Variants in SGCZ observed in about 807,000 individuals in gnomAD.
The protein encoded by SGCZ is zeta-sarcoglycan.
In SGCZ, 40 loss-of-function variants were observed where a neutral mutation model predicts 41.3. The ratio of observed to expected loss-of-function variants is 0.97; its 90% CI spans 0.75 to 1.26. The LOEUF (loss-of-function observed/expected upper bound fraction) is 1.26, where lower values mean the gene tolerates loss of function less well. Among genes scored for constraint, SGCZ ranks in the 50% most tolerant of loss-of-function variants. SGCZ has a pLI of 0.00. For synonymous variants in SGCZ, 206 were observed against 137.5 expected (o/e 1.50, Z -3.49); for missense variants, 552 against 369.8 (o/e 1.49, Z -4.04).
At chr8:15,015,726 CGTGTGTGTGTGT>C (rs60624490) in intron 1 of SGCZ, among the ~76,000 whole-genome samples, 2,968 of 125,158 alleles carry the variant, frequency 0.024, 54 homozygotes, top group South Asian at 0.094. Context: ...GAAATATACA[CGTGTGTGTGTGT>C]GTGTGTGTGT....
Position 15,182,834 on chromosome 8 carries a change from G to A in SGCZ, c.39+54751C>T, listed in dbSNP as rs190707391. 1.0e-3 allele frequency among the ~76,000 whole-genome samples: 152 copies of A among 151,908 alleles called. 1 individual carries two copies. The highest frequency in any genetic ancestry group is 6.8e-4 in the Non-Finnish European group (46 of 67,922). Reference sequence around the variant, plus strand: ...AAGGTTATAATTTTTTAAACTTTTCGGCTGTTGTAATAACAGCTTAAAACA... The same window carrying A: ...AAGGTTATAATTTTTTAAACTTTTCAGCTGTTGTAATAACAGCTTAAAACA... On this transcript the variant is annotated intron_variant, in intron 1 of 7. Transcript: ENST00000382080.
intron 1 of SGCZ, among the ~76,000 whole-genome samples, chr8:14,640,652 GT>G (rs1806992927): frequency 3.4e-5 from 1 of 29,820 alleles, no homozygotes; most frequent in South Asian, 5.6e-4. Flanking sequence ...ATATAGGGGT[GT>G]GTGTGTGTGT....
intron 1 of SGCZ, among the ~76,000 whole-genome samples, chr8:15,213,472 T>C (rs575080524): frequency 1.3e-5 from 2 of 151,692 alleles, no homozygotes; most frequent in African/African-American, 4.8e-5. Context: ...AAAATGATTT[T>C]TCTAGTATAG....
chr8:14,797,259 T>A (rs960721941), intron 1 of SGCZ, among the ~76,000 whole-genome samples: 12 of 152,150 alleles, frequency 7.9e-5, no homozygotes, highest in Admixed American at 7.2e-4. Context: ...TTTAGAAAAG[T>A]TTGGAACTTC....
chr8:14,410,047 A>T (rs992666409), intron 2 of SGCZ, among the ~76,000 whole-genome samples: 12 of 152,108 alleles, frequency 7.9e-5, no homozygotes, highest in African/African-American at 2.7e-4. Flanking sequence ...ACCAGCCAGC[A>T]TTACCGTCTG....
intron 1 of SGCZ, among the ~76,000 whole-genome samples, chr8:15,117,222 G>C (rs960910439): frequency 6.6e-6 from 1 of 152,044 alleles, no homozygotes; most frequent in African/African-American, 2.4e-5. Context: ...AGCTGGGCGC[G>C]GTAGCAGGCG....
chr8:14,578,076 C>T (rs1178580931), intron 1 of SGCZ, among the ~76,000 whole-genome samples: 6 of 152,208 alleles, frequency 3.9e-5, no homozygotes, highest in Non-Finnish European at 2.9e-5. Flanking sequence ...CATCATACTC[C>T]ACCTTGAACA....
chr8:14,344,121 G>C (rs1423939954), intron 2 of SGCZ, among the ~76,000 whole-genome samples: 1 of 152,208 alleles, frequency 6.6e-6, no homozygotes, highest in Non-Finnish European at 1.5e-5. Context: ...AACTGCTAAA[G>C]ACAGAACCAT....
chr8:14,492,011 C>T (rs764233312), intron 2 of SGCZ, among the ~76,000 whole-genome samples: 34 of 152,004 alleles, frequency 2.2e-4, no homozygotes, highest in African/African-American at 7.3e-4. Context: ...TATGTCTCAT[C>T]ATTAATGTTT....
chr8:14,154,130 G>C (rs187200553), intron 5 of SGCZ, among the ~76,000 whole-genome samples: 1 of 152,190 alleles, frequency 6.6e-6, no homozygotes, highest in African/African-American at 2.4e-5. Flanking sequence ...CAGCATTATG[G>C]GAGGCCGAGG....
intron 2 of SGCZ, among the ~76,000 whole-genome samples, chr8:14,424,966 A>C (rs538818292): frequency 6.6e-6 from 1 of 152,342 alleles, no homozygotes; most frequent in African/African-American, 2.4e-5. Flanking sequence ...TTATCAGGGT[A>C]ATTGAGAAAA....
At chr8:14,342,274 T>C (rs1192462436) in intron 2 of SGCZ, among the ~76,000 whole-genome samples, 1 of 152,182 alleles carries the variant, frequency 6.6e-6, no homozygotes, top group Non-Finnish European at 1.5e-5. Context: ...TTGTGGAACT[T>C]TGAATTTTGG....
intron 1 of SGCZ, among the ~76,000 whole-genome samples, chr8:15,080,760 T>A (rs1213192916): frequency 1.3e-5 from 2 of 152,050 alleles, no homozygotes; most frequent in Admixed American, 6.5e-5. Context: ...TCAGCTAATT[T>A]TTTTTGTATT....
intron 2 of SGCZ, among the ~76,000 whole-genome samples, chr8:14,394,141 A>AAC (rs2117225362): frequency 8.9e-6 from 1 of 112,900 alleles, no homozygotes; most frequent in African/African-American, 3.5e-5. Flanking sequence ...ACCGCCCCCC[A>AAC]CCTTTTTTTT....
At chr8:14,311,538 A>G (rs1218131927) in intron 3 of SGCZ, among the ~76,000 whole-genome samples, 2 of 152,168 alleles carry the variant, frequency 1.3e-5, no homozygotes, top group African/African-American at 2.4e-5. Flanking sequence ...CATAATCTCC[A>G]TAACTATTGA....
intron 3 of SGCZ, among the ~76,000 whole-genome samples, chr8:14,272,993 G>C (rs1248485009): frequency 6.6e-6 from 1 of 151,684 alleles, no homozygotes; most frequent in Non-Finnish European, 1.5e-5. Flanking sequence ...AATAAACAAA[G>C]TTACATTTAA....
chr8:14,581,306 C>T (rs1288398699), intron 1 of SGCZ, among the ~76,000 whole-genome samples: 1 of 152,048 alleles, frequency 6.6e-6, no homozygotes, highest in African/African-American at 2.4e-5. Flanking sequence ...GGGGTTTCCC[C>T]ATGTTAGCCA....
At chr8:15,093,689 A>G (rs1452006462) in intron 1 of SGCZ, among the ~76,000 whole-genome samples, 1 of 152,188 alleles carries the variant, frequency 6.6e-6, no homozygotes, top group Non-Finnish European at 1.5e-5. Context: ...GTCAAAGTAA[A>G]AAAATTACAC....
At position 14,299,861 on chromosome 8, in the gene SGCZ, T is replaced by C. The variant is rs74821170; in HGVS notation, c.336+24242A>G. 8.4e-3 allele frequency among the ~76,000 whole-genome samples: 958 copies of C among 114,696 alleles called. 39 individuals carry two copies. The highest frequency in any genetic ancestry group is 0.071 in the East Asian group (283 of 3,974). 75.2% of individuals were successfully genotyped at this position (114,696 alleles called of 152,430 possible). A position where few individuals can be genotyped will look rare whatever the true frequency, so the allele number is the denominator to read the frequency against. On this transcript the variant is annotated intron_variant, in intron 3 of 7. Transcript: ENST00000382080. ...GAAGAAAAAGAATATAGTATCTTTATTTATTAATAAATTTTGATATATTCT... is the reference window on the plus strand; with the variant it reads ...GAAGAAAAAGAATATAGTATCTTTACTTATTAATAAATTTTGATATATTCT...
Sources: gnomAD v4.1 joint callset for allele counts (sites outside exome capture counted in the v4.1 genomes callset) on GRCh38, gnomAD v4.1.1 for gene constraint, MANE v1.5 for transcripts, NCBI Gene and HGNC (gene_info 2026-07-23, HGNC 2026-07-21) for gene names.